B3GALT1: variants seen among roughly 807,000 people sequenced by gnomAD.
B3GALT1 encodes beta-1,3-galactosyltransferase 1.
In B3GALT1, 10 loss-of-function variants were observed where a neutral mutation model predicts 23.2. That is an observed-to-expected ratio of 0.43 (90% CI 0.27 to 0.73). The LOEUF is 0.73. Ranked by LOEUF, B3GALT1 falls within the 30% of genes least tolerant of loss-of-function variation. B3GALT1 has a pLI of 0.21. For synonymous variants in B3GALT1, 156 were observed against 141.5 expected (o/e 1.10, Z -0.73); for missense variants, 299 against 405.4 (o/e 0.74, Z 2.25).
At chr2:167,440,235 C>G (rs1258636482) in intron 1 of B3GALT1, among the ~76,000 whole-genome samples, 5 of 149,738 alleles carry the variant, frequency 3.3e-5, no homozygotes, top group Non-Finnish European at 7.4e-5. Flanking sequence ...CCCAGCTACT[C>G]AGGAGGGTGA....
At chr2:167,625,920 A>C (rs1685332613) in intron 2 of B3GALT1, among the ~76,000 whole-genome samples, 1 of 145,952 alleles carries the variant, frequency 6.9e-6, no homozygotes, top group Non-Finnish European at 1.5e-5. Context: ...ATCCTAGATG[A>C]CAGAAAAATC....
At chr2:167,688,941 C>T (rs772461912) in intron 3 of B3GALT1, among the ~76,000 whole-genome samples, 2 of 152,026 alleles carry the variant, frequency 1.3e-5, no homozygotes, top group Non-Finnish European at 1.5e-5. Flanking sequence ...TACATGTGCA[C>T]ACAGACATGT....
intron 3 of B3GALT1, among the ~76,000 whole-genome samples, chr2:167,674,990 G>A (rs1343529017): frequency 6.6e-6 from 1 of 152,174 alleles, no homozygotes; most frequent in Admixed American, 6.5e-5. Flanking sequence ...ACCTGACCCT[G>A]GAAGTATGTT....
At chr2:167,529,787 C>A (rs983024350) in intron 2 of B3GALT1, among the ~76,000 whole-genome samples, 23 of 151,846 alleles carry the variant, frequency 1.5e-4, no homozygotes, top group Admixed American at 8.5e-4. Flanking sequence ...TTTGTTGCTA[C>A]CCCTCTGGTA....
At chr2:167,564,556 A>G (rs1684111608) in intron 2 of B3GALT1, among the ~76,000 whole-genome samples, 1 of 151,986 alleles carries the variant, frequency 6.6e-6, no homozygotes, top group Non-Finnish European at 1.5e-5. Flanking sequence ...ACGCCACTGC[A>G]CTCCAGCCTG....
intron 3 of B3GALT1, among the ~76,000 whole-genome samples, chr2:167,775,887 A>T (rs1381307822): frequency 6.6e-6 from 1 of 152,178 alleles, no homozygotes; most frequent in South Asian, 2.1e-4. Flanking sequence ...CTACTCCGGG[A>T]ACTGTCAAAA....
chr2:167,335,787 T>C (rs1697050551), intron 1 of B3GALT1, among the ~76,000 whole-genome samples: 2 of 152,292 alleles, frequency 1.3e-5, no homozygotes, highest in South Asian at 4.1e-4. Context: ...CAACCTGTTT[T>C]ATCAGTAATG....
In B3GALT1 at chr2:167,739,927, C is replaced by CA. The variant is rs1291441484; in HGVS notation, c.-351-78738dup. 7.1e-3 allele frequency among the ~76,000 whole-genome samples: 471 copies of CA among 66,638 alleles called. 17 individuals are homozygous for CA. Among genetic ancestry groups the CA allele is most frequent in the Non-Finnish European group, 0.012 (340 of 27,894 alleles). 43.7% of individuals were successfully genotyped at this position (66,638 alleles called of 152,430 possible). A position where few individuals can be genotyped will look rare whatever the true frequency, so the allele number is the denominator to read the frequency against. The stretch of plus-strand genomic sequence containing the variant: ...GCAACACAGTAAGAAGTTGTCTCTA[C>CA]AAAAAAACAAACAAAAAAAAAAAAA... On this transcript the variant is annotated intron_variant, in intron 3 of 4. Coordinates refer to ENST00000392690, the MANE Select transcript of B3GALT1 (RefSeq NM_020981.4).
intron 2 of B3GALT1, among the ~76,000 whole-genome samples, chr2:167,619,108 GGC>G (rs930098775): frequency 4.0e-5 from 6 of 151,454 alleles, no homozygotes; most frequent in African/African-American, 1.5e-4. Context: ...TTTATTAGTT[GGC>G]ATTCTTCCAT....
chr2:167,358,210 G>A (rs973694197), intron 1 of B3GALT1, among the ~76,000 whole-genome samples: 3 of 152,172 alleles, frequency 2.0e-5, no homozygotes, highest in African/African-American at 7.2e-5. Flanking sequence ...GGTCAAGGCA[G>A]AAAAACCAAG....
intron 3 of B3GALT1, among the ~76,000 whole-genome samples, chr2:167,697,598 A>AGAATG (rs1469307063): frequency 3.3e-5 from 5 of 152,246 alleles, no homozygotes; most frequent in Non-Finnish European, 5.9e-5. Flanking sequence ...TTCATTTACA[A>AGAATG]TTAAAATTAA....
intron 1 of B3GALT1, among the ~76,000 whole-genome samples, chr2:167,426,005 A>G (rs976204537): frequency 2.6e-5 from 4 of 152,176 alleles, no homozygotes; most frequent in African/African-American, 7.2e-5. Context: ...CATGTAACCT[A>G]TAACCTTCAA....
chr2:167,754,142 G>A (rs574540448), intron 3 of B3GALT1, among the ~76,000 whole-genome samples: 2 of 152,152 alleles, frequency 1.3e-5, no homozygotes, highest in South Asian at 2.1e-4. Flanking sequence ...TAGATTCCAG[G>A]GCAAGTATCT....
intron 1 of B3GALT1, among the ~76,000 whole-genome samples, chr2:167,435,354 C>T (rs142996332): frequency 7.9e-6 from 1 of 127,018 alleles, no homozygotes; most frequent in South Asian, 2.6e-4. Flanking sequence ...ACAGAAAATT[C>T]TTACCTAGAA....
At chr2:167,691,905 C>G (rs778422504) in intron 3 of B3GALT1, among the ~76,000 whole-genome samples, 23 of 152,116 alleles carry the variant, frequency 1.5e-4, no homozygotes, top group Admixed American at 3.9e-4. Context: ...ATTACTCGTA[C>G]ATAAAGTAAG....
At chr2:167,773,032 CCT>C (rs1688098412) in intron 3 of B3GALT1, among the ~76,000 whole-genome samples, 1 of 152,046 alleles carries the variant, frequency 6.6e-6, no homozygotes, top group African/African-American at 2.4e-5. Flanking sequence ...CATTGCATTA[CCT>C]TTCAGGAGAG....
In B3GALT1 at chr2:167,404,655, G is replaced by T. The variant is rs117363814; in HGVS notation, c.-510-85522G>T. On this transcript the variant is annotated intron_variant, in intron 1 of 4. Coordinates refer to ENST00000392690, the MANE Select transcript of B3GALT1 (RefSeq NM_020981.4). ...TTTCATAGTAAAATTGATGTAAGAT[G>T]GCACAGTCATTCTTCATTCAGTACA... Among the ~76,000 whole-genome samples, 42 of 152,192 alleles carry T rather than the reference G, an allele frequency of 2.8e-4. No individual in the cohort carries two copies. In the East Asian group the frequency reaches 8.1e-3, roughly 29 times the overall value.
intron 1 of B3GALT1, among the ~76,000 whole-genome samples, chr2:167,360,967 T>G (rs907725696): frequency 4.6e-5 from 7 of 152,204 alleles, no homozygotes; most frequent in African/African-American, 1.7e-4. Context: ...ATTGTCTTTC[T>G]GTACCTGGCT....
intron 3 of B3GALT1, among the ~76,000 whole-genome samples, chr2:167,754,262 G>A (rs746528821): frequency 6.6e-6 from 1 of 152,098 alleles, no homozygotes; most frequent in Non-Finnish European, 1.5e-5. Context: ...GATTCTACAG[G>A]TTAATAAAAT....
Sources: gnomAD v4.1 joint callset for allele counts (sites outside exome capture counted in the v4.1 genomes callset) on GRCh38, gnomAD v4.1.1 for gene constraint, MANE v1.5 for transcripts, NCBI Gene and HGNC (gene_info 2026-07-23, HGNC 2026-07-21) for gene names.